The following SFPQ variants were observed in gnomAD, a reference collection of about 807,000 sequenced individuals.
SFPQ encodes the protein splicing factor, proline- and glutamine-rich.
A neutral mutation model predicts 72.9 loss-of-function variants in SFPQ; 11 were observed. That is an observed-to-expected ratio of 0.15 (90% confidence interval 0.09 to 0.25). The LOEUF is 0.25. Ranked by LOEUF, SFPQ falls within the 10% of genes least tolerant of loss-of-function variation. SFPQ has a pLI of 1.00. For synonymous variants in SFPQ, 506 were observed against 367.3 expected, an observed-to-expected ratio of 1.38 and a Z score of -4.32; for missense variants, 847 against 993.3, an observed-to-expected ratio of 0.85 and a Z score of 1.98.
downstream of SFPQ, chr1:35,179,524 G>T: frequency 2.1e-5 from 22 of 1,053,878 alleles, no homozygotes; most frequent in Non-Finnish European, 2.5e-5. Flanking sequence ...CAAGCACCTC[G>T]GTATAGCATT....
In SFPQ at chr1:35,191,573, C is replaced by T. The variant is rs201595467; in HGVS notation, c.829-44G>A. On this transcript the variant is annotated intron_variant, in intron 1 of 9. Coordinates refer to ENST00000357214, the MANE Select transcript of SFPQ (RefSeq NM_005066.3). ...AGTTTTCAAACACCAGAGACCTCTG[C>T]AAGTGAAAATCCCCAAGATAGTATT... 101 of 1,460,998 alleles carry T rather than the reference C, an allele frequency of 6.9e-5. 2 individuals are homozygous for T. In the East Asian group the frequency reaches 2.2e-3, roughly 32 times the overall value. 90.5% of individuals were successfully genotyped at this position (1,460,998 alleles called of 1,614,324 possible).
In SFPQ at chr1:35,187,262, A is replaced by G. The variant is rs1639765845; in HGVS notation, c.1816-11T>C. 6.2e-7 allele frequency: 1 copy of G among 1,613,964 alleles called. No individual in the cohort carries two copies. The highest frequency in any genetic ancestry group is 1.3e-5 in the African/African-American group (1 of 74,932). On this transcript the variant is annotated splice_polypyrimidine_tract_variant and intron_variant, in intron 7 of 9. Transcript: ENST00000357214. ...CATGTCTCTTTCCCGCTGCAAGAAA[A>G]AAATTCCTTTCAATATACCTGCACT...
At chr1:35,179,827 C>G, downstream of SFPQ, 1 of 1,054,044 alleles carries the variant, frequency 9.5e-7, no homozygotes, top group Non-Finnish European at 1.1e-6. Context: ...TTCTAACACC[C>G]AATCACTAAA....
rs150830591 is a variant in SFPQ, at chr1:35,191,440, A to T, written c.918T>A (p.Ala306=). 3.2e-4 allele frequency: 516 copies of T among 1,614,120 alleles called. 1 individual carries two copies. The highest frequency in any genetic ancestry group is 6.6e-4 in the Middle Eastern group (4 of 6,062). Residue 306 remains alanine (A), a synonymous_variant, in exon 2 of 10, where the codon GCT becomes GCA. Transcript: ENST00000357214. The stretch of plus-strand genomic sequence containing the variant: ...TTTTGAATTCATCCTCCGTGATATC[A>T]GCAGGTAGATTCCCAACAAACAACC... ...RCRLFVGNLP[A]DITEDEFKRL...
downstream of SFPQ, chr1:35,180,368 A>G: frequency 9.7e-7 from 1 of 1,036,254 alleles, no homozygotes; most frequent in African/African-American, 1.7e-5. Flanking sequence ...ACATCCCTAA[A>G]GCTAAGGGAA....
At chr1:35,186,330 A>C (rs1417109685) in intron 9 of SFPQ, among the ~76,000 whole-genome samples, 2 of 152,218 alleles carry the variant, frequency 1.3e-5, no homozygotes, top group East Asian at 3.8e-4. Context: ...GACAGGCTAT[A>C]TTCACAGCTG....
chr1:35,183,810 C>T lies in SFPQ; in HGVS notation c.*646G>A. 3.8e-6 allele frequency: 4 copies of T among 1,055,770 alleles called. No individual in the cohort carries two copies. Among genetic ancestry groups the T allele is most frequent in the Non-Finnish European group, 4.6e-6 (4 of 873,058 alleles). 65.4% of individuals were successfully genotyped at this position (1,055,770 alleles called of 1,614,324 possible). ...CTTTCACCCCCTACCAATTGTCTTA[C>T]ACCCATTCCACAATCTTAATACATA... is the stretch of plus-strand genomic sequence containing the variant. On this transcript the variant is annotated 3_prime_UTR_variant, in exon 10 of 10. Coordinates refer to ENST00000357214, the MANE Select transcript of SFPQ (RefSeq NM_005066.3).
chr1:35,188,868 A>C, intron 6 of SFPQ, 135 bp downstream of exon 6: 70 of 676,556 alleles, frequency 1.0e-4, no homozygotes, highest in East Asian at 2.2e-4. Flanking sequence ...GGCTGAGGCA[A>C]GAGAATCGCT....
rs974789756 is a variant in SFPQ, at chr1:35,191,011, A to G, written c.1018-16T>C. On this transcript the variant is annotated splice_polypyrimidine_tract_variant and intron_variant, in intron 2 of 9. Coordinates refer to ENST00000357214, the MANE Select transcript of SFPQ (RefSeq NM_005066.3). ...CTCTAGATTCCTGTGTATCAGAGAC[A>G]CTCATGTTAATGACCTCAAAATTGG... is the stretch of plus-strand genomic sequence containing the variant. 6.2e-7 allele frequency: 1 copy of G among 1,603,802 alleles called. No homozygotes were observed. Among genetic ancestry groups the G allele is most frequent in the African/African-American group, 1.3e-5 (1 of 74,394 alleles).
chr1:35,182,473 G>A, downstream of SFPQ: 1 of 976,850 alleles, frequency 1.0e-6, no homozygotes, highest in Non-Finnish European at 1.2e-6. Context: ...CCATGTACCT[G>A]TCAGTCATAC....
At chr1:35,187,601 G>A (rs1410050527) in intron 7 of SFPQ, among the ~76,000 whole-genome samples, 2 of 151,942 alleles carry the variant, frequency 1.3e-5, no homozygotes, top group African/African-American at 4.8e-5. Flanking sequence ...CCTGATGGCA[G>A]GCACTTGTAA....
Position 35,187,996 on chromosome 1 carries a change from T to C in SFPQ, c.1792A>G (p.Ser598Gly), listed in dbSNP as rs1639807829. ...QMRRQREESY[S>G]RMGYMDPRER... ...ACTGGATCCATGTAGCCCATTCGGC[T>C]GTAACTTTCCTCTCTTTGGCGCCTC... Residue 598 changes from serine (S) to glycine (G), a missense_variant, in exon 7 of 10, where the codon AGC becomes GGC. Around this residue, in one of 6 missense-constraint regions of SFPQ, gnomAD observed 154 missense variants for 186.0 expected, o/e 0.83. Transcript: ENST00000357214. The C allele has an allele frequency of 6.2e-7, 1 of 1,613,774 alleles. No individual in the cohort carries two copies. Among genetic ancestry groups the C allele is most frequent in the East Asian group, 2.2e-5 (1 of 44,878 alleles).
chr1:35,191,156 C>A (rs1327165110), intron 2 of SFPQ, among the ~76,000 whole-genome samples, 161 bp from the exon 3 acceptor site: 1 of 152,176 alleles, frequency 6.6e-6, no homozygotes, highest in Non-Finnish European at 1.5e-5. Context: ...CCACCCCACC[C>A]CTCTTTTCTC....
At chr1:35,181,625 G>T (rs761928745), downstream of SFPQ, 48 of 1,059,672 alleles carry the variant, frequency 4.5e-5, no homozygotes, top group Non-Finnish European at 5.5e-5. Flanking sequence ...ATTAGGAGAA[G>T]TATAAAAAAC....
At chr1:35,180,719 T>C, downstream of SFPQ, 1 of 1,059,108 alleles carries the variant, frequency 9.4e-7, no homozygotes, top group South Asian at 4.6e-5. Flanking sequence ...ATTGCCGATC[T>C]ATGGGCAGGT....
downstream of SFPQ, chr1:35,182,035 C>G: frequency 1.0e-6 from 1 of 985,358 alleles, no homozygotes; most frequent in Non-Finnish European, 1.2e-6. Context: ...CACCACTCTT[C>G]AAAGGTACAG....
At chr1:35,186,892 TAA>T (rs1430884784) in intron 9 of SFPQ, 107 bp downstream of exon 9, 7 of 1,112,098 alleles carry the variant, frequency 6.3e-6, no homozygotes, top group East Asian at 2.4e-5. Context: ...TAGGGGAAAC[TAA>T]AAGAGGTCCA....
intron 1 of SFPQ, among the ~76,000 whole-genome samples, 174 bp from the exon 2 acceptor site, chr1:35,191,703 G>A (rs988169833): frequency 6.6e-6 from 1 of 152,132 alleles, no homozygotes; most frequent in Admixed American, 6.5e-5. Context: ...ATTGAAAAAG[G>A]AGCCCCATCA....
At chr1:35,180,635 A>C, downstream of SFPQ, 1 of 1,052,174 alleles carries the variant, frequency 9.5e-7, no homozygotes. Flanking sequence ...TTTAAATCGC[A>C]TTACAAAAAA....
Sources: gnomAD v4.1 joint callset for allele counts (sites outside exome capture counted in the v4.1 genomes callset) on GRCh38, gnomAD v4.1.1 for gene constraint, gnomAD v4.1.1 regional missense constraint, MANE v1.5 for transcripts, NCBI Gene and HGNC (gene_info 2026-07-23, HGNC 2026-07-21) for gene names.